Variants in ITGB3 observed in about 807,000 individuals in gnomAD.
ITGB3 encodes integrin subunit beta 3, also known as integrin beta-3.
A neutral mutation model predicts 85.8 loss-of-function variants in ITGB3; 48 were observed. The ratio of observed to expected loss-of-function variants is 0.56; its 90% CI spans 0.44 to 0.71. The LOEUF is 0.71. Ranked by LOEUF, ITGB3 falls within the 30% of genes least tolerant of loss-of-function variation. The pLI is 0.00. For synonymous variants in ITGB3, 363 were observed against 395.6 expected (o/e 0.92, Z 0.98); for missense variants, 861 against 1,019.1 (o/e 0.84, Z 2.11).
chr17:47,270,534 C>T (rs2065040717), intron 1 of ITGB3, among the ~76,000 whole-genome samples: 1 of 152,200 alleles, frequency 6.6e-6, no homozygotes, highest in Non-Finnish European at 1.5e-5. Context: ...TTCAGGAATT[C>T]TGAAACTAGC....
chr17:47,304,151 C>A (rs758327008), intron 13 of ITGB3, among the ~76,000 whole-genome samples: 2 of 152,158 alleles, frequency 1.3e-5, no homozygotes, highest in Non-Finnish European at 2.9e-5. Flanking sequence ...CTCAGCCCCC[C>A]GCAAAGTGTT....
chr17:47,256,778 C>T (rs1013405596), intron 1 of ITGB3, among the ~76,000 whole-genome samples: 2 of 152,098 alleles, frequency 1.3e-5, no homozygotes, highest in South Asian at 2.1e-4. Flanking sequence ...GTGTCTTCCT[C>T]GTGTTTAGGT....
In ITGB3 at chr17:47,310,661, T is replaced by C. The variant is rs1598704827; in HGVS notation, c.*457T>C. The C allele has an allele frequency of 4.0e-6, 1 of 248,026 alleles. No individual in the cohort carries two copies. The highest frequency in any genetic ancestry group is 4.7e-5 in the Admixed American group (1 of 21,494). The allele number at this position is 248,026 out of a possible 1,614,324, so 15.4% of individuals were successfully genotyped here. ...CTTGGCTCTACCCTGAGTTCATAAA[T>C]TTATGGTTCTCAGGCCTGACTCTCA... is the stretch of plus-strand genomic sequence containing the variant. On this transcript the variant is annotated 3_prime_UTR_variant, in exon 15 of 15. Transcript: ENST00000559488.
Position 47,294,573 on chromosome 17 carries a change from C to T in ITGB3, c.1690+2005C>T, listed in dbSNP as rs549763374. On this transcript the variant is annotated intron_variant, in intron 10 of 14. Transcript: ENST00000559488. ...CTAATCCATGAGGGAACCAGGGCAG[C>T]CATTGCCGCCTCCCTCTACCATGTC... Among the ~76,000 whole-genome samples, 5 of 152,372 alleles carry T rather than the reference C, an allele frequency of 3.3e-5. No individual in the cohort carries two copies. In the South Asian group the frequency reaches 1.0e-3, roughly 32 times the overall value.
chr17:47,265,083 C>T (rs1281611274), intron 1 of ITGB3, among the ~76,000 whole-genome samples: 1 of 152,166 alleles, frequency 6.6e-6, no homozygotes, highest in Non-Finnish European at 1.5e-5. Context: ...ATGAATGAAT[C>T]AATGAATGCT....
rs2065095257 is a variant in ITGB3, at chr17:47,284,439, C to G, written c.362-4C>G. 6.2e-7 allele frequency: 1 copy of G among 1,614,070 alleles called. No individual in the cohort carries two copies. The highest frequency in any genetic ancestry group is 1.7e-5 in the Admixed American group (1 of 60,006). ...ATAAAAACTAACATCTTTCTGCCTTCCAGATGATTCGAAGAATTTCTCCAT... is the reference window on the plus strand; with the variant it reads ...ATAAAAACTAACATCTTTCTGCCTTGCAGATGATTCGAAGAATTTCTCCAT... On this transcript the variant is annotated splice_region_variant and splice_polypyrimidine_tract_variant and intron_variant, in intron 3 of 14. Transcript: ENST00000559488.
rs1555572168 is a variant in ITGB3 at position 47,283,073 on chromosome 17, C to CT, written c.166-268dup. Among the ~76,000 whole-genome samples, 1,415 of 143,910 alleles carry CT rather than the reference C, an allele frequency of 9.8e-3. 15 individuals carry two copies. Among genetic ancestry groups the CT allele is most frequent in the African/African-American group, 0.025 (969 of 39,404 alleles). The allele number at this position is 143,910 out of a possible 152,430, so 94.4% of individuals were successfully genotyped here. ...TATCTCAATTTCTCTTTTCTTTTTC[C>CT]TTTTTTTTTTTTTGGTAGAGACGGG... On this transcript the variant is annotated intron_variant, in intron 2 of 14. Coordinates refer to ENST00000559488, the MANE Select transcript of ITGB3 (RefSeq NM_000212.3).
chr17:47,275,666 G>A (rs2065061083), intron 2 of ITGB3, among the ~76,000 whole-genome samples: 1 of 152,206 alleles, frequency 6.6e-6, no homozygotes, highest in Non-Finnish European at 1.5e-5. Flanking sequence ...GGGGAGGGGC[G>A]GGAGCTGGGA....
chr17:47,294,871 G>A (rs555181147), intron 10 of ITGB3, among the ~76,000 whole-genome samples: 29 of 152,244 alleles, frequency 1.9e-4, no homozygotes, highest in African/African-American at 2.2e-4. Context: ...TCTGTGACTC[G>A]GCCATTTCCC....
rs771405208 is a variant in ITGB3, at chr17:47,287,257, T to TG, written c.939+26_939+27insG. On this transcript the variant is annotated intron_variant, in intron 6 of 14. Transcript: ENST00000559488. ...GTGAGATCTCTGGCACCACCTATGG[T>TG]TTCTATTCATGATTGTGAGGGTTGC... 4.3e-6 allele frequency: 7 copies of TG among 1,612,882 alleles called. No homozygotes were observed. The Admixed American group carries it at 1.2e-4, about 27-fold the overall frequency.
At position 47,305,491 on chromosome 17, in the gene ITGB3, G is replaced by T. The variant is rs188875025; in HGVS notation, c.2135-1980G>T. 4.6e-5 allele frequency: 7 copies of T among 152,328 alleles called. No individual in the cohort carries two copies. The East Asian group carries it at 1.2e-3, about 25-fold the overall frequency. 9.4% of individuals were successfully genotyped at this position (152,328 alleles called of 1,614,324 possible). On this transcript the variant is annotated intron_variant, in intron 13 of 14. Coordinates refer to ENST00000559488, the MANE Select transcript of ITGB3 (RefSeq NM_000212.3). ...AAACACCTGGTTTCATAACACTTGA[G>T]GTTACTGGAATAAGATCACCTATTA...
At chr17:47,256,478 C>G (rs551619212) in intron 1 of ITGB3, among the ~76,000 whole-genome samples, 5 of 151,506 alleles carry the variant, frequency 3.3e-5, no homozygotes, top group Admixed American at 2.0e-4. Context: ...GTAATACCCC[C>G]CCCCCCAACC....
At chr17:47,254,184 G>A (rs1318048705) in intron 1 of ITGB3, among the ~76,000 whole-genome samples, 1 of 152,110 alleles carries the variant, frequency 6.6e-6, no homozygotes, top group Non-Finnish European at 1.5e-5. Context: ...CATCAGCCAG[G>A]CTGAGCGCCT....
chr17:47,309,646 C>T (rs1219679894), intron 14 of ITGB3, among the ~76,000 whole-genome samples: 1 of 152,106 alleles, frequency 6.6e-6, no homozygotes, highest in Non-Finnish European at 1.5e-5. Flanking sequence ...GTAATTCCAG[C>T]ACTTTGGGAG....
chr17:47,307,495 T>C lies in ITGB3; in HGVS notation c.2159T>C (p.Leu720Pro). 2 of 1,614,088 alleles carry C rather than the reference T, an allele frequency of 1.2e-6. No individual in the cohort carries two copies. The highest frequency in any genetic ancestry group is 1.3e-5 in the African/African-American group (1 of 75,040). The change falls in exon 14 of 15, where the codon CTG becomes CCG. Residue 720 changes from leucine to proline, a missense_variant. Transcript: ENST00000559488. ...EPECPKGPDI[L>P]VVLLSVMGAI... ...GAGTGTCCCAAGGGCCCTGACATCC[T>C]GGTGGTCCTGCTCTCAGTGATGGGG...
At chr17:47,300,065 A>G (rs896470513) in intron 11 of ITGB3, among the ~76,000 whole-genome samples, 4 of 152,212 alleles carry the variant, frequency 2.6e-5, no homozygotes, top group African/African-American at 9.6e-5. Flanking sequence ...ATGCTCTGCC[A>G]TCACTGTCTT....
chr17:47,293,301 T>G (rs1322226241), intron 10 of ITGB3, among the ~76,000 whole-genome samples: 1 of 152,200 alleles, frequency 6.6e-6, no homozygotes, highest in Non-Finnish European at 1.5e-5. Flanking sequence ...ACTGATAATC[T>G]CAAACTAGTT....
chr17:47,265,736 C>A (rs1555571199), intron 1 of ITGB3, among the ~76,000 whole-genome samples: 1 of 152,158 alleles, frequency 6.6e-6, no homozygotes, highest in Non-Finnish European at 1.5e-5. Flanking sequence ...TTGGTGGAGG[C>A]AAGTTATACA....
At chr17:47,284,822 C>A in intron 4 of ITGB3, 127 bp downstream of exon 4, 1 of 1,278,410 alleles carries the variant, frequency 7.8e-7, no homozygotes, top group Non-Finnish European at 1.1e-6. Flanking sequence ...CTCCTTTCTA[C>A]CTTGGTCTCC....
Sources: allele counts gnomAD v4.1 joint callset (sites outside exome capture counted in the v4.1 genomes callset), GRCh38; gene constraint gnomAD v4.1.1; transcripts MANE v1.5; gene names NCBI Gene and HGNC (gene_info 2026-07-23, HGNC 2026-07-21).